Variants in DNAH7 observed in about 807,000 individuals in gnomAD.
DNAH7 encodes the protein axonemal beta dynein heavy chain 7.
In DNAH7, 397 loss-of-function variants were observed where a neutral mutation model predicts 444.6. The observed-to-expected ratio is 0.89, with a 90% confidence interval of 0.82 to 0.97. The LOEUF (loss-of-function observed/expected upper bound fraction) is 0.97. Among genes scored for constraint, DNAH7 ranks in the 50% least tolerant of loss-of-function variants. DNAH7 has a pLI of 0.00. For missense variants in DNAH7, 4,902 were observed against 4,800.8 expected (o/e 1.02, Z -0.62); for synonymous variants, 1,636 against 1,624.4 (o/e 1.01, Z -0.17).
intron 47 of DNAH7, among the ~76,000 whole-genome samples, chr2:195,835,381 C>CAA (rs58376618): frequency 1.9e-4 from 21 of 113,046 alleles, no homozygotes; most frequent in African/African-American, 3.7e-4. Context: ...GTGACTGAGG[C>CAA]AAAAAAAAAA....
At chr2:195,995,933 T>A (rs757940395) in intron 12 of DNAH7, among the ~76,000 whole-genome samples, 4 of 152,214 alleles carry the variant, frequency 2.6e-5, no homozygotes, top group Non-Finnish European at 4.4e-5. Context: ...GGGAAGAATG[T>A]CATTGGTATT....
rs753416322 is a variant in DNAH7 at position 196,068,716 on chromosome 2, G to A, written c.-5C>T. 9.0e-6 allele frequency: 14 copies of A among 1,551,292 alleles called. No homozygotes were observed. The East Asian group carries it at 3.2e-4, about 35-fold the overall frequency. On this transcript the variant is annotated 5_prime_UTR_variant, in exon 1 of 65. Transcript: ENST00000312428. ...TCTCACCTGCTCACTGCTCATGGCT[G>A]CGAGGACGCGCTGGCCTCACCGGTG...
At chr2:195,865,688 T>C (rs191026487) in intron 40 of DNAH7, among the ~76,000 whole-genome samples, 1 of 152,260 alleles carries the variant, frequency 6.6e-6, no homozygotes, top group East Asian at 1.9e-4. Context: ...AGGGGTACAG[T>C]CTATTTTGGA....
Position 195,737,997 on chromosome 2 carries a change from A to G in DNAH7, c.11999T>C (p.Met4000Thr), listed in dbSNP as rs751828555. Residue 4000 changes from methionine to threonine, a missense_variant, in exon 65 of 65, where the codon ATG becomes ACG. Met to Thr is a moderately conservative substitution (Grantham distance 81, BLOSUM62 -1). Coordinates refer to ENST00000312428, the MANE Select transcript of DNAH7 (RefSeq NM_018897.3). ...TGHSTNFVIA[M>T]TLPSDQPKEH... ...CTTGGGTTGGTCAGAGGGAAGAGTC[A>G]TGGCAATCACAAAATTCGTGGAATG... The G allele has an allele frequency of 2.5e-6, 4 of 1,614,016 alleles. No individual in the cohort carries two copies. Among genetic ancestry groups the G allele is most frequent in the Non-Finnish European group, 3.4e-6 (4 of 1,179,960 alleles).
intron 19 of DNAH7, among the ~76,000 whole-genome samples, chr2:195,942,379 A>G (rs1369127591): frequency 6.6e-6 from 1 of 151,528 alleles, no homozygotes; most frequent in Non-Finnish European, 1.5e-5. Context: ...AAGAAGGAGA[A>G]GGAGAAGAGG....
At chr2:196,029,184 CAT>C (rs1695877168) in intron 5 of DNAH7, among the ~76,000 whole-genome samples, 1 of 152,180 alleles carries the variant, frequency 6.6e-6, no homozygotes, top group South Asian at 2.1e-4. Context: ...TCAGCAGTAA[CAT>C]ATTTCAGGAA....
chr2:195,922,572 G>A (rs973557893), intron 23 of DNAH7, among the ~76,000 whole-genome samples: 3 of 152,106 alleles, frequency 2.0e-5, no homozygotes, highest in South Asian at 4.1e-4. Context: ...AAATGATTCC[G>A]CCATCTGAGC....
At chr2:195,888,195 A>G (rs948300187) in intron 33 of DNAH7, 63 bp downstream of exon 33, 2 of 1,319,738 alleles carry the variant, frequency 1.5e-6, no homozygotes, top group African/African-American at 3.0e-5. Flanking sequence ...ATTAAAATTG[A>G]TATGTAAGTC....
intron 15 of DNAH7, among the ~76,000 whole-genome samples, chr2:195,980,305 C>T (rs1692488591): frequency 1.3e-5 from 2 of 152,144 alleles, no homozygotes; most frequent in Admixed American, 1.3e-4. Flanking sequence ...CATTCTTTGC[C>T]TTCCTGCTGC....
intron 46 of DNAH7, among the ~76,000 whole-genome samples, chr2:195,847,422 A>G (rs925268191): frequency 1.3e-5 from 2 of 152,000 alleles, no homozygotes; most frequent in Admixed American, 6.6e-5. Flanking sequence ...GTTCTCACTT[A>G]TAAGTGGGAG....
intron 61 of DNAH7, among the ~76,000 whole-genome samples, chr2:195,762,450 T>A (rs28840820): frequency 6.6e-5 from 10 of 152,002 alleles, no homozygotes; most frequent in African/African-American, 2.4e-5. Flanking sequence ...TGAATTTTTT[T>A]AAAAAACAAG....
intron 61 of DNAH7, among the ~76,000 whole-genome samples, chr2:195,765,214 A>G (rs1224152534): frequency 6.6e-6 from 1 of 152,134 alleles, no homozygotes; most frequent in Non-Finnish European, 1.5e-5. Flanking sequence ...CCATCTTGCC[A>G]TATTAAAAAA....
rs373337404 is a variant in DNAH7 at position 196,001,675 on chromosome 2, T to A, written c.1173A>T (p.Pro391=). 2.6e-6 allele frequency: 4 copies of A among 1,550,368 alleles called. No individual in the cohort carries two copies. In the African/African-American group the frequency reaches 5.5e-5, roughly 21 times the overall value. ...QDFTDLIAQP[P]DSVRAFEHPG... is the part of the protein sequence containing the mutation. ...TATTGGTGAACTGAACCATACTTAC[T>A]GGGGGTTGTGCAATTAAGTCCGTGA... Residue 391 remains proline (P), a splice_region_variant and synonymous_variant, in exon 11 of 65, where the codon CCA becomes CCT. Coordinates refer to ENST00000312428, the MANE Select transcript of DNAH7 (RefSeq NM_018897.3).
At chr2:195,994,848 G>A (rs966268247) in intron 12 of DNAH7, 13 of 428,484 alleles carry the variant, frequency 3.0e-5, no homozygotes, top group African/African-American at 1.7e-4. Flanking sequence ...CTTCCTGACT[G>A]AGCTTGGTTG....
chr2:196,043,286 C>G (rs1276643697), intron 5 of DNAH7, among the ~76,000 whole-genome samples: 2 of 151,720 alleles, frequency 1.3e-5, no homozygotes, highest in African/African-American at 4.8e-5. Flanking sequence ...AATGTTCCCC[C>G]CAAAAAAGGT....
At chr2:196,007,285 TCAAATGATTTTCA>T (rs1226706936) in intron 10 of DNAH7, among the ~76,000 whole-genome samples, 15 of 152,038 alleles carry the variant, frequency 9.9e-5, no homozygotes, top group Admixed American at 9.8e-4. Flanking sequence ...CCATATATGG[TCAAATGATTTTCA>T]GCAAAGGTGC....
chr2:195,738,160 A>G (rs1262524620), intron 64 of DNAH7, 33 bp from the exon 65 acceptor site: 1 of 1,581,084 alleles, frequency 6.3e-7, no homozygotes, highest in African/African-American at 1.3e-5. Flanking sequence ...TCTTTAAGTC[A>G]AGGCTGTTTG....
chr2:196,036,627 G>T (rs1291931637), intron 5 of DNAH7, among the ~76,000 whole-genome samples: 1 of 152,110 alleles, frequency 6.6e-6, no homozygotes, highest in Non-Finnish European at 1.5e-5. Flanking sequence ...GGGGGTCCAG[G>T]GACCAGCCTG....
intron 48 of DNAH7, among the ~76,000 whole-genome samples, chr2:195,833,444 A>G (rs1173048655): frequency 2.6e-5 from 4 of 152,212 alleles, no homozygotes; most frequent in Admixed American, 1.3e-4. Context: ...TGATTCTTCC[A>G]TATTATATTA....
Sources: allele counts gnomAD v4.1 joint callset (sites outside exome capture counted in the v4.1 genomes callset), GRCh38; gene constraint gnomAD v4.1.1; transcripts MANE v1.5; gene names NCBI Gene and HGNC (gene_info 2026-07-23, HGNC 2026-07-21).